SIGLECL1: variants seen among roughly 807,000 people sequenced by gnomAD.
SIGLECL1 encodes SIGLEC family-like protein 1.
In SIGLECL1, 16 loss-of-function variants were observed where a neutral mutation model predicts 19.1. The observed-to-expected ratio is 0.84, with a 90% CI of 0.57 to 1.27. SIGLECL1 has a LOEUF of 1.27. Among genes scored for constraint, SIGLECL1 ranks in the 50% most tolerant of loss-of-function variants. SIGLECL1 has a pLI of 0.00. For synonymous variants in SIGLECL1, 89 were observed against 90.4 expected (o/e 0.98, Z 0.09); for missense variants, 210 against 239.4 (o/e 0.88, Z 0.81).
intron 5 of SIGLECL1, 62 bp from the exon 6 acceptor site, chr19:51,268,509 C>T (rs556636485): frequency 1.3e-6 from 2 of 1,574,324 alleles, no homozygotes; most frequent in African/African-American, 2.7e-5. Flanking sequence ...ATTTGGATAC[C>T]TCACCTCTAG....
chr19:51,256,143 C>T (rs1982795703), intron 1 of SIGLECL1: 1 of 152,008 alleles, frequency 6.6e-6, no homozygotes, highest in Admixed American at 6.6e-5. Context: ...TCAACATTGT[C>T]TAATCATAAG....
chr19:51,252,862 C>T lies in SIGLECL1; in HGVS notation c.-191+1317C>T, dbSNP rs149433470. On this transcript the variant is annotated intron_variant, in intron 1 of 5. Transcript: ENST00000601727. ...GTCCCAGGCTGAGTGTGTTGGTTCA[C>T]GGCTGCAATCCCAGCACTTTGGGAG... Among the ~76,000 whole-genome samples the T allele has an allele frequency of 5.0e-3, 759 of 152,078 alleles. 6 individuals are homozygous for T. The highest frequency in any genetic ancestry group is 0.017 in the African/African-American group (708 of 41,464).
chr19:51,254,887 T>G (rs1037297187), intron 1 of SIGLECL1, among the ~76,000 whole-genome samples: 1 of 152,144 alleles, frequency 6.6e-6, no homozygotes, highest in Non-Finnish European at 1.5e-5. Context: ...CCTGAAAATT[T>G]TAGGGAAAAC....
intron 1 of SIGLECL1, among the ~76,000 whole-genome samples, chr19:51,252,765 CCGAAA>C (rs1982571624): frequency 1.3e-5 from 2 of 151,886 alleles, no homozygotes; most frequent in African/African-American, 4.8e-5. Flanking sequence ...TTAAAACATG[CCGAAA>C]TATGGAATAG....
chr19:51,266,878 G>C (rs10416845), intron 4 of SIGLECL1, among the ~76,000 whole-genome samples: 38,259 of 152,004 alleles, frequency 0.25, 5,109 homozygotes, highest in African/African-American at 0.3. Context: ...AGGAAAGCTT[G>C]AGCTTGGGGT....
At chr19:51,253,005 T>C (rs1423612730) in intron 1 of SIGLECL1, among the ~76,000 whole-genome samples, 2 of 151,942 alleles carry the variant, frequency 1.3e-5, no homozygotes, top group Admixed American at 6.6e-5. Flanking sequence ...CTTGTGCTTA[T>C]AGTCCCAGCT....
chr19:51,247,763 G>A (rs888813510), upstream of SIGLECL1, among the ~76,000 whole-genome samples: 6 of 152,158 alleles, frequency 3.9e-5, no homozygotes, highest in East Asian at 5.8e-4. Context: ...GAAGTTTATC[G>A]CAAAGCAAAA....
At chr19:51,253,576 A>C (rs1434659745) in intron 1 of SIGLECL1, among the ~76,000 whole-genome samples, 1 of 152,256 alleles carries the variant, frequency 6.6e-6, no homozygotes, top group African/African-American at 2.4e-5. Flanking sequence ...TCACCCAGGA[A>C]GTAGCGACAA....
chr19:51,255,265 A>T (rs1338117020), intron 1 of SIGLECL1, among the ~76,000 whole-genome samples: 1 of 117,904 alleles, frequency 8.5e-6, no homozygotes, highest in East Asian at 4.5e-4. Context: ...TGTCTCAAGA[A>T]AAAAAAAAAA....
chr19:51,264,336 G>A (rs1024737404), intron 2 of SIGLECL1: 3 of 473,276 alleles, frequency 6.3e-6, no homozygotes, highest in African/African-American at 4.0e-5. Flanking sequence ...GTGCTATGAA[G>A]GCATGAGAGC....
upstream of SIGLECL1, among the ~76,000 whole-genome samples, chr19:51,249,955 A>G (rs1982393483): frequency 6.6e-6 from 1 of 152,146 alleles, no homozygotes; most frequent in Non-Finnish European, 1.5e-5. Flanking sequence ...TTTTTAGACC[A>G]TATAGTGTAA....
At chr19:51,268,120 TAAATTCC>T (rs1983811771) in intron 5 of SIGLECL1, among the ~76,000 whole-genome samples, 1 of 152,198 alleles carries the variant, frequency 6.6e-6, no homozygotes, top group South Asian at 2.1e-4. Flanking sequence ...AGCCATCTGT[TAAATTCC>T]ACCAATATTT....
intron 1 of SIGLECL1, among the ~76,000 whole-genome samples, chr19:51,263,379 C>A (rs1983375659): frequency 6.6e-6 from 1 of 152,156 alleles, no homozygotes; most frequent in Non-Finnish European, 1.5e-5. Flanking sequence ...TAAACATTAT[C>A]ATATTTTTCC....
At chr19:51,261,284 G>GT (rs899157424) in intron 1 of SIGLECL1, among the ~76,000 whole-genome samples, 4 of 151,808 alleles carry the variant, frequency 2.6e-5, no homozygotes, top group African/African-American at 9.7e-5. Context: ...TCATTCTTTG[G>GT]TTTTTTCTTT....
At position 51,263,376 on chromosome 19, in the gene SIGLECL1, T is replaced by C. The variant is rs1487862813; in HGVS notation, c.-190-507T>C. Among the ~76,000 whole-genome samples, 3 of 152,158 alleles carry C rather than the reference T, an allele frequency of 2.0e-5. No homozygotes were observed. In the East Asian group the frequency reaches 5.8e-4, roughly 29 times the overall value. On this transcript the variant is annotated intron_variant, in intron 1 of 5. Transcript: ENST00000601727. ...TTACACTTCTCACCAAACTAAACATTATCATATTTTTCCTGAGAGAATGTC... is the reference window on the plus strand; with the variant it reads ...TTACACTTCTCACCAAACTAAACATCATCATATTTTTCCTGAGAGAATGTC...
intron 1 of SIGLECL1, among the ~76,000 whole-genome samples, chr19:51,260,293 G>A (rs1364698276): frequency 4.6e-5 from 7 of 152,058 alleles, no homozygotes; most frequent in African/African-American, 1.2e-4. Flanking sequence ...TTGTGTGTGC[G>A]TTCTTAAACA....
chr19:51,251,040 AAAGT>A (rs372915357), upstream of SIGLECL1: 383 of 152,364 alleles, frequency 2.5e-3, 1 homozygote, highest in African/African-American at 8.8e-3. Context: ...TTGGCTGTGT[AAAGT>A]AAGCCCATGC....
At chr19:51,260,743 T>C (rs1480819441) in intron 1 of SIGLECL1, among the ~76,000 whole-genome samples, 1 of 152,226 alleles carries the variant, frequency 6.6e-6, no homozygotes, top group Non-Finnish European at 1.5e-5. Context: ...GGATATGTAC[T>C]GGTATCTGAT....
In SIGLECL1 at chr19:51,269,075, C is replaced by T; in HGVS notation, c.*478C>T. On this transcript the variant is annotated 3_prime_UTR_variant, in exon 6 of 6. Transcript: ENST00000601727. The stretch of plus-strand genomic sequence containing the variant: ...TTGGACAAGATCTTTCATTCCCCAT[C>T]CTTTGAACATCACATGACCCATATC... 6.1e-6 allele frequency: 1 copy of T among 163,172 alleles called. No individual in the cohort carries two copies. Among genetic ancestry groups the T allele is most frequent in the South Asian group, 1.6e-4 (1 of 6,364 alleles). The allele number at this position is 163,172 out of a possible 1,614,324, so 10.1% of individuals were successfully genotyped here.
Sources: gnomAD v4.1 joint callset for allele counts (sites outside exome capture counted in the v4.1 genomes callset) on GRCh38, gnomAD v4.1.1 for gene constraint, MANE v1.5 for transcripts, NCBI Gene and HGNC (gene_info 2026-07-23, HGNC 2026-07-21) for gene names.